Variants in MCU observed in about 807,000 individuals in gnomAD.
MCU encodes the protein mitochondrial calcium uniporter, also known as calcium uniporter protein, mitochondrial.
Under a neutral mutation model 45.2 loss-of-function variants are expected in MCU, and 12 were observed. The ratio of observed to expected loss-of-function variants is 0.27; its 90% confidence interval spans 0.17 to 0.43. The LOEUF is 0.43. MCU is among the 20% of genes least tolerant of loss of function. MCU has a pLI of 1.00. For synonymous variants in MCU, 160 were observed against 165.1 expected (o/e 0.97, Z 0.24); for missense variants, 324 against 436.7 (o/e 0.74, Z 2.30).
chr10:72,848,674 C>CT (rs138619456), intron 2 of MCU, among the ~76,000 whole-genome samples: 3 of 152,208 alleles, frequency 2.0e-5, no homozygotes, highest in Non-Finnish European at 4.4e-5. Flanking sequence ...AGAGAGCCTT[C>CT]TTGAAGGCTG....
Position 72,733,655 on chromosome 10 carries a change from T to C in MCU, c.150+41354T>C, listed in dbSNP as rs989806752. ...TGCTTGGCACATAACGAGTACTCTG[T>C]TGGTGGTACCCGATATATATGTTTC... is the stretch of plus-strand genomic sequence containing the variant. On this transcript the variant is annotated intron_variant, in intron 1 of 7. Transcript: ENST00000373053. 2.7e-5 allele frequency among the ~76,000 whole-genome samples: 4 copies of C among 149,964 alleles called. No individual in the cohort carries two copies. The Admixed American group carries it at 2.7e-4, about 10-fold the overall frequency.
chr10:72,771,029 C>G (rs1393334117), intron 1 of MCU, among the ~76,000 whole-genome samples: 1 of 151,952 alleles, frequency 6.6e-6, no homozygotes. Flanking sequence ...CTTGGGATGT[C>G]TTATCTGCCT....
rs1435890480 is a variant in MCU, at chr10:72,704,704, A to ACTTTTTTTTT, written c.150+12403_150+12404insCTTTTTTTTT. 1.9e-5 allele frequency among the ~76,000 whole-genome samples: 2 copies of ACTTTTTTTTT among 106,746 alleles called. 1 individual carries two copies. The allele number at this position is 106,746 out of a possible 152,430, so 70.0% of individuals were successfully genotyped here. A position where few individuals can be genotyped will look rare whatever the true frequency, so the allele number is the denominator to read the frequency against. ...AGGCATGCACTGTCATGCCTGGATA[A>ACTTTTTTTTT]TTTTTTTTTTTTTTTTTTTTTTTTT... is the stretch of plus-strand genomic sequence containing the variant. On this transcript the variant is annotated intron_variant, in intron 1 of 7. Coordinates refer to ENST00000373053, the MANE Select transcript of MCU (RefSeq NM_138357.3).
chr10:72,876,855 C>G (rs1364623742), intron 6 of MCU, among the ~76,000 whole-genome samples: 1 of 151,834 alleles, frequency 6.6e-6, no homozygotes, highest in Admixed American at 6.6e-5. Context: ...TAACCTCTCC[C>G]TCTGTGACTT....
At chr10:72,695,034 T>C (rs1382829482) in intron 1 of MCU, among the ~76,000 whole-genome samples, 2 of 152,190 alleles carry the variant, frequency 1.3e-5, no homozygotes, top group Admixed American at 6.5e-5. Flanking sequence ...CCAAAACTGA[T>C]GTAAAATGTT....
chr10:72,828,634 A>G (rs934233063), intron 1 of MCU, among the ~76,000 whole-genome samples: 3 of 152,124 alleles, frequency 2.0e-5, no homozygotes, highest in Non-Finnish European at 4.4e-5. Flanking sequence ...CTTTTGAACT[A>G]TGAAAGATGA....
At chr10:72,765,786 CAAAAAAA>C (rs36071651) in intron 1 of MCU, among the ~76,000 whole-genome samples, 76 of 63,224 alleles carry the variant, frequency 1.2e-3, no homozygotes, top group Non-Finnish European at 2.1e-3. Context: ...GACGCTGTCT[CAAAAAAA>C]AAAAAAAAAA....
At chr10:72,860,868 C>A (rs1456300213) in intron 4 of MCU, among the ~76,000 whole-genome samples, 1 of 152,066 alleles carries the variant, frequency 6.6e-6, no homozygotes, top group African/African-American at 2.4e-5. Flanking sequence ...CAGGGGATAT[C>A]TTTTTAAAAT....
intron 1 of MCU, among the ~76,000 whole-genome samples, chr10:72,732,222 A>C (rs1198086454): frequency 1.3e-5 from 2 of 152,206 alleles, no homozygotes; most frequent in Non-Finnish European, 2.9e-5. Context: ...TCTTTGGAGA[A>C]ATACCTATTC....
intron 1 of MCU, among the ~76,000 whole-genome samples, chr10:72,802,785 C>T (rs1056091559): frequency 6.6e-6 from 1 of 152,120 alleles, no homozygotes; most frequent in African/African-American, 2.4e-5. Flanking sequence ...ATATGTATAT[C>T]CCCTTATTCT....
In MCU at chr10:72,823,337, C is replaced by A. The variant is rs144364788; in HGVS notation, c.151-11022C>A. On this transcript the variant is annotated intron_variant, in intron 1 of 7. Transcript: ENST00000373053. ...TGGTAGTGATGTTAGTAATGGAGTT[C>A]TTTCTTTATATGCAAATAAGCATCT... Among the ~76,000 whole-genome samples the A allele has an allele frequency of 1.8e-3, 271 of 152,280 alleles. 2 individuals carry two copies. Among genetic ancestry groups the A allele is most frequent in the African/African-American group, 6.0e-3 (249 of 41,554 alleles).
At chr10:72,742,833 A>G (rs1843354235) in intron 1 of MCU, among the ~76,000 whole-genome samples, 1 of 152,140 alleles carries the variant, frequency 6.6e-6, no homozygotes, top group African/African-American at 2.4e-5. Context: ...CTGAAGATGT[A>G]ATTAGAGTGG....
intron 1 of MCU, among the ~76,000 whole-genome samples, chr10:72,796,181 G>A (rs1589464289): frequency 6.6e-6 from 1 of 152,096 alleles, no homozygotes; most frequent in Admixed American, 6.5e-5. Flanking sequence ...ACTCATGCCT[G>A]TAACCACAGC....
chr10:72,834,407 A>G lies in MCU; in HGVS notation c.199A>G (p.Ser67Gly). 1 of 1,613,868 alleles carries G rather than the reference A, an allele frequency of 6.2e-7. No individual in the cohort carries two copies. The highest frequency in any genetic ancestry group is 2.2e-5 in the East Asian group (1 of 44,868). The change falls in exon 2 of 8, where the codon AGC (serine) becomes GGC (glycine). Residue 67 changes from serine (S) to glycine (G), a missense_variant. Physicochemically the swap from Ser to Gly is moderately conservative, Grantham distance 56 (BLOSUM62 0). Transcript: ENST00000373053. The part of the protein sequence containing the change: ...SWQNLGAVYC[S>G]TVVPSDDVTV... ...GCAGAATTTGGGAGCTGTTTATTGC[A>G]GCACTGTTGTGCCCTCTGATGGTGA...
At chr10:72,850,839 A>G (rs1012265016) in intron 2 of MCU, among the ~76,000 whole-genome samples, 1 of 152,238 alleles carries the variant, frequency 6.6e-6, no homozygotes, top group Admixed American at 6.5e-5. Flanking sequence ...CATGGAAATC[A>G]AAGCAAAAGA....
intron 4 of MCU, 54 bp from the exon 5 acceptor site, chr10:72,868,649 G>T: frequency 1.3e-6 from 2 of 1,535,598 alleles, no homozygotes; most frequent in Non-Finnish European, 9.0e-7. Flanking sequence ...ATAGTCCCAG[G>T]AATAGCAATC....
intron 1 of MCU, among the ~76,000 whole-genome samples, chr10:72,801,310 T>C (rs1342855792): frequency 1.3e-5 from 2 of 152,060 alleles, no homozygotes; most frequent in Non-Finnish European, 2.9e-5. Context: ...GAGGTTCTCA[T>C]TGATTACATA....
intron 1 of MCU, among the ~76,000 whole-genome samples, chr10:72,774,538 CCTTA>C (rs1267769013): frequency 6.6e-6 from 1 of 152,016 alleles, no homozygotes; most frequent in East Asian, 1.9e-4. Flanking sequence ...AGTCGTGAGT[CCTTA>C]CTTATTAATA....
At chr10:72,867,748 G>A (rs550332812) in intron 4 of MCU, among the ~76,000 whole-genome samples, 2 of 151,918 alleles carry the variant, frequency 1.3e-5, no homozygotes, top group South Asian at 4.2e-4. Context: ...CCAGCTACTT[G>A]GGAGGCTGAG....
Sources: gnomAD v4.1 joint callset for allele counts (sites outside exome capture counted in the v4.1 genomes callset) on GRCh38, gnomAD v4.1.1 for gene constraint, MANE v1.5 for transcripts, NCBI Gene and HGNC (gene_info 2026-07-23, HGNC 2026-07-21) for gene names.